TRPM1: variants seen among roughly 807,000 people sequenced by gnomAD.
The protein encoded by TRPM1 is TRPM1-203 APA Isoform, Intron 10.
TRPM1 carries 113 observed loss-of-function variants against 149.4 expected under a neutral mutation model. That is an observed-to-expected ratio of 0.76 (90% CI 0.65 to 0.88). The LOEUF (loss-of-function observed/expected upper bound fraction) is 0.88. TRPM1 is among the 40% of genes least tolerant of loss of function. TRPM1 has a pLI of 0.00. For missense variants in TRPM1, 1,976 were observed against 2,038.7 expected (o/e 0.97, Z 0.59); for synonymous variants, 741 against 759.5 (o/e 0.98, Z 0.40).
intron 1 of TRPM1, among the ~76,000 whole-genome samples, chr15:31,088,514 C>G (rs952704837): frequency 1.3e-5 from 2 of 152,168 alleles, no homozygotes; most frequent in African/African-American, 4.8e-5. Context: ...ACGAGCAACT[C>G]TGGATGCGCC....
chr15:31,086,825 CT>C (rs2140991187), intron 1 of TRPM1, among the ~76,000 whole-genome samples: 1 of 152,274 alleles, frequency 6.6e-6, no homozygotes, highest in South Asian at 2.1e-4. Context: ...AATCATATAT[CT>C]GATAAGCAAT....
At position 31,002,091 on chromosome 15, in the gene TRPM1, T is replaced by G. The variant is rs1210831849; in HGVS notation, c.4609A>C (p.Ile1537Leu). Residue 1537 changes from isoleucine (I) to leucine (L), a missense_variant, in exon 28 of 28, where the codon ATT becomes CTT. Transcript: ENST00000256552. ...MQDEHHVAEA[I>L]PRIPRLSLTI... ...AGGGACAAGCGAGGGATTCGAGGAA[T>G]TGCTTCAGCGACATGGTGTTCATCT... 4.3e-6 allele frequency: 7 copies of G among 1,614,116 alleles called. No homozygotes were observed. The East Asian group carries it at 1.6e-4, about 36-fold the overall frequency.
At chr15:31,072,006 TATATATATATATAGAGAGAGAGAGAG>T (rs1269734076) in intron 3 of TRPM1, among the ~76,000 whole-genome samples, 2 of 38,308 alleles carry the variant, frequency 5.2e-5, no homozygotes, top group African/African-American at 1.5e-4. Context: ...TATATATATA[TATATATATATATAGAGAGAGAGAGAG>T]AGAGAGAGAG....
At chr15:31,048,814 A>G (rs888311791) in intron 13 of TRPM1, among the ~76,000 whole-genome samples, 2 of 152,200 alleles carry the variant, frequency 1.3e-5, no homozygotes, top group African/African-American at 4.8e-5. Context: ...CTGTCTCAGA[A>G]CAAACAAAAA....
At chr15:31,104,413 G>C (rs974040529), upstream of TRPM1, among the ~76,000 whole-genome samples, 49 of 152,070 alleles carry the variant, frequency 3.2e-4, no homozygotes, top group Non-Finnish European at 5.9e-5. Context: ...TGCACTTCCT[G>C]ACCAATAGTT....
intron 23 of TRPM1, 135 bp downstream of exon 23, chr15:31,030,848 A>T: frequency 1.0e-6 from 1 of 972,200 alleles, no homozygotes. Flanking sequence ...ATTTCTTTGT[A>T]AAATAATTTG....
chr15:31,042,163 A>C lies in TRPM1; in HGVS notation c.1875T>G (p.Pro625=), dbSNP rs772611172. 9 of 1,614,180 alleles carry C rather than the reference A, an allele frequency of 5.6e-6. No individual in the cohort carries two copies. Among genetic ancestry groups the C allele is most frequent in the Non-Finnish European group, 7.6e-6 (9 of 1,180,012 alleles). The change falls in exon 17 of 28, where the codon CCT becomes CCG. Residue 625 remains proline, a synonymous_variant. Transcript: ENST00000256552. ...EEEIDIDVDD[P]AVSRFQYPFH... Reference sequence around the variant, plus strand: ...AGGGATACTGGAACCGACTCACGGCAGGGTCGTCCACATCAATGTCGATCT... The same window carrying C: ...AGGGATACTGGAACCGACTCACGGCCGGGTCGTCCACATCAATGTCGATCT...
intron 11 of TRPM1, among the ~76,000 whole-genome samples, chr15:31,054,360 T>A (rs1445265866): frequency 6.6e-6 from 1 of 152,180 alleles, no homozygotes; most frequent in African/African-American, 2.4e-5. Context: ...AGTGGCATGA[T>A]CTCAGCTCAC....
intron 1 of TRPM1, among the ~76,000 whole-genome samples, chr15:31,088,977 T>C (rs921900152): frequency 2.6e-5 from 4 of 152,170 alleles, no homozygotes; most frequent in African/African-American, 4.8e-5. Flanking sequence ...CCCAGCACTT[T>C]CTTGGCTGAT....
intron 4 of TRPM1, chr15:31,069,577 T>C: frequency 8.1e-7 from 1 of 1,228,752 alleles, no homozygotes; most frequent in Non-Finnish European, 1.0e-6. Context: ...CCTGTTTACA[T>C]GCAAATGTGA....
chr15:31,152,488 C>G (rs185216843), intron 1 of TRPM1, among the ~76,000 whole-genome samples: 1 of 152,240 alleles, frequency 6.6e-6, no homozygotes, highest in South Asian at 2.1e-4. Context: ...CACCCCCAAC[C>G]ATCTGAATGG....
At chr15:31,061,650 G>A (rs909695824) in intron 9 of TRPM1, 136 bp from the exon 10 acceptor site, 5 of 729,592 alleles carry the variant, frequency 6.9e-6, no homozygotes, top group Middle Eastern at 2.4e-4. Context: ...AGCAAGTGCT[G>A]TTGATTTCTT....
intron 7 of TRPM1, chr15:31,065,199 A>G (rs555394695): frequency 5.8e-6 from 3 of 515,904 alleles, no homozygotes; most frequent in Admixed American, 4.0e-5. Flanking sequence ...AGAACAAAAA[A>G]CATTCAGTCA....
intron 27 of TRPM1, among the ~76,000 whole-genome samples, chr15:31,006,599 A>G (rs1343980844): frequency 2.0e-5 from 3 of 152,210 alleles, no homozygotes; most frequent in Non-Finnish European, 4.4e-5. Context: ...TTGTGTGAAC[A>G]TGTTTTCATT....
chr15:31,136,739 C>T lies in TRPM1; in HGVS notation c.54+24167G>A, dbSNP rs200833355. On this transcript the variant is annotated intron_variant, in intron 1 of 26. Transcript: ENST00000542188. ...GCTGTTTGTTTCTGCTTTCCTCAGC[C>T]GCCCCCACCCTTTTTTTTTTTTTTG... 3.0e-4 allele frequency among the ~76,000 whole-genome samples: 40 copies of T among 134,880 alleles called. No homozygotes were observed. The East Asian group carries it at 5.1e-3, about 17-fold the overall frequency. 88.5% of individuals were successfully genotyped at this position (134,880 alleles called of 152,430 possible).
intron 1 of TRPM1, among the ~76,000 whole-genome samples, chr15:31,118,232 T>TG (rs2035829100): frequency 6.6e-6 from 1 of 152,136 alleles, no homozygotes; most frequent in Non-Finnish European, 1.5e-5. Context: ...CACTCCAGCC[T>TG]GGGTGACAGA....
intron 12 of TRPM1, among the ~76,000 whole-genome samples, chr15:31,049,771 C>G (rs887345026): frequency 1.3e-5 from 2 of 152,238 alleles, no homozygotes; most frequent in African/African-American, 4.8e-5. Context: ...AAAATCTCAG[C>G]CCTCCTGGCA....
At chr15:31,141,190 C>T (rs1158111415) in intron 1 of TRPM1, among the ~76,000 whole-genome samples, 5 of 151,928 alleles carry the variant, frequency 3.3e-5, no homozygotes, top group Non-Finnish European at 5.9e-5. Flanking sequence ...TGTTAGTAAA[C>T]ATAAAAAATT....
At chr15:31,060,806 G>A (rs544538650) in intron 10 of TRPM1, among the ~76,000 whole-genome samples, 162 bp from the exon 11 acceptor site, 1 of 152,236 alleles carries the variant, frequency 6.6e-6, no homozygotes, top group Non-Finnish European at 1.5e-5. Context: ...GCTCCGAGCT[G>A]AAAGAGCTTC....
Sources: allele counts gnomAD v4.1 joint callset (sites outside exome capture counted in the v4.1 genomes callset), GRCh38; gene constraint gnomAD v4.1.1; transcripts MANE v1.5; gene names NCBI Gene and HGNC (gene_info 2026-07-23, HGNC 2026-07-21).